PREX2: variants seen among roughly 807,000 people sequenced by gnomAD.
PREX2 encodes phosphatidylinositol-3,4,5-trisphosphate dependent Rac exchange factor 2, also known as phosphatidylinositol 3,4,5-trisphosphate-dependent Rac exchanger 2 protein.
In PREX2, 107 loss-of-function variants were observed where a neutral mutation model predicts 203.2. The ratio of observed to expected loss-of-function variants is 0.53; its 90% CI spans 0.45 to 0.62. The LOEUF is 0.62. PREX2 is among the 20% of genes least tolerant of loss of function. The probability of loss-of-function intolerance (pLI) is 0.00; values close to 1 mark genes in which losing one functional copy is unlikely to be tolerated. For missense variants in PREX2, 1,777 were observed against 1,955.9 expected (o/e 0.91, Z 1.72); for synonymous variants, 672 against 663.6 (o/e 1.01, Z -0.19).
At position 68,002,881 on chromosome 8, in the gene PREX2, G is replaced by A. The variant is rs190834083; in HGVS notation, c.142-14965G>A. Reference sequence around the variant, plus strand: ...GCAGACTGGTTAAATCAAGTTATATGGCTGTTTGAATCATGAACTTTGGAG... The same window carrying A: ...GCAGACTGGTTAAATCAAGTTATATAGCTGTTTGAATCATGAACTTTGGAG... On this transcript the variant is annotated intron_variant, in intron 1 of 39. Coordinates refer to ENST00000288368, the MANE Select transcript of PREX2 (RefSeq NM_024870.4). Among the ~76,000 whole-genome samples, 13 of 152,232 alleles carry A rather than the reference G, an allele frequency of 8.5e-5. No homozygotes were observed. The East Asian group carries it at 2.1e-3, about 25-fold the overall frequency.
chr8:67,975,272 GT>G lies in PREX2; in HGVS notation c.141+22764del, dbSNP rs75276095. Among the ~76,000 whole-genome samples the G allele has an allele frequency of 2.1e-3, 204 of 96,780 alleles. 1 individual carries two copies. Among genetic ancestry groups the G allele is most frequent in the African/African-American group, 2.5e-3 (55 of 22,192 alleles). The allele number at this position is 96,780 out of a possible 152,430, so 63.5% of individuals were successfully genotyped here. On this transcript the variant is annotated intron_variant, in intron 1 of 39. Transcript: ENST00000288368. ...GGCTGATGTTACCTGCACACGGCCT[GT>G]TTTTTTTTTTTTTTTTTTTTTTTTT...
At chr8:67,955,783 C>T (rs1019841025) in intron 1 of PREX2, among the ~76,000 whole-genome samples, 1 of 152,190 alleles carries the variant, frequency 6.6e-6, no homozygotes, top group Admixed American at 6.5e-5. Flanking sequence ...TATCCTCCCA[C>T]TCCATTTTTA....
intron 1 of PREX2, among the ~76,000 whole-genome samples, chr8:67,964,191 C>A (rs986431166): frequency 6.6e-6 from 1 of 152,198 alleles, no homozygotes; most frequent in Admixed American, 6.5e-5. Flanking sequence ...AAGTGGAGGG[C>A]AAGCACTCCC....
intron 23 of PREX2, 26 bp downstream of exon 23, chr8:68,099,869 CA>C: frequency 2.0e-6 from 3 of 1,529,786 alleles, no homozygotes; most frequent in Non-Finnish European, 2.7e-6. Context: ...ATTTTATACA[CA>C]ATTATTGTTG....
At chr8:68,127,242 A>G in intron 30 of PREX2, 136 bp from the exon 31 acceptor site, 1 of 587,328 alleles carries the variant, frequency 1.7e-6, no homozygotes, top group Non-Finnish European at 3.0e-6. Flanking sequence ...ATCCATTGAA[A>G]GTAATGGCAA....
At chr8:68,204,829 C>T (rs2129614976) in intron 37 of PREX2, among the ~76,000 whole-genome samples, 1 of 151,744 alleles carries the variant, frequency 6.6e-6, no homozygotes, top group African/African-American at 2.4e-5. Context: ...CTACAGGCGC[C>T]TGCCACCACA....
intron 30 of PREX2, among the ~76,000 whole-genome samples, chr8:68,126,284 AAC>A (rs1224781037): frequency 6.6e-6 from 1 of 152,120 alleles, no homozygotes; most frequent in African/African-American, 2.4e-5. Context: ...TTACAATAAT[AAC>A]AGTCTTCACC....
intron 1 of PREX2, among the ~76,000 whole-genome samples, chr8:67,979,335 C>A (rs749481722): frequency 6.6e-6 from 1 of 152,268 alleles, no homozygotes; most frequent in East Asian, 1.9e-4. Flanking sequence ...ACTAAAATTA[C>A]ATTTTCTTCA....
intron 6 of PREX2, among the ~76,000 whole-genome samples, chr8:68,037,444 C>T (rs1203056804): frequency 7.9e-5 from 12 of 152,128 alleles, no homozygotes. Context: ...TACTCGTGTC[C>T]AACTCAGGGG....
intron 18 of PREX2, among the ~76,000 whole-genome samples, chr8:68,086,273 T>G (rs764046059): frequency 1.3e-5 from 2 of 152,208 alleles, no homozygotes; most frequent in African/African-American, 4.8e-5. Flanking sequence ...AATGCCTGCC[T>G]AGGTTATATT....
intron 35 of PREX2, among the ~76,000 whole-genome samples, chr8:68,184,002 A>C (rs1812137944): frequency 6.6e-6 from 1 of 152,140 alleles, no homozygotes. Context: ...CATTTTTGTC[A>C]GGCCAAAAGA....
rs1307543152 is a variant in PREX2 at position 67,953,203 on chromosome 8, G to GTCT, written c.141+672_141+674dup. On this transcript the variant is annotated intron_variant, in intron 1 of 39. Coordinates refer to ENST00000288368, the MANE Select transcript of PREX2 (RefSeq NM_024870.4). The stretch of plus-strand genomic sequence containing the variant: ...CCGCCCCCCGCCCCGGCTTAAATCT[G>GTCT]TCTTCTGCTCAGTTTCTGGTCCCCT... Among the ~76,000 whole-genome samples the GTCT allele has an allele frequency of 3.9e-5, 4 of 102,500 alleles. No homozygotes were observed. In the East Asian group the frequency reaches 1.3e-3, roughly 33 times the overall value. 67.2% of individuals were successfully genotyped at this position (102,500 alleles called of 152,430 possible).
At chr8:68,211,698 A>G (rs1381805200) in intron 37 of PREX2, among the ~76,000 whole-genome samples, 1 of 152,182 alleles carries the variant, frequency 6.6e-6, no homozygotes, top group Non-Finnish European at 1.5e-5. Flanking sequence ...AGGTTCCAAG[A>G]TAGTTTGAAA....
intron 7 of PREX2, among the ~76,000 whole-genome samples, chr8:68,040,780 A>G (rs1388074012): frequency 6.6e-6 from 1 of 152,158 alleles, no homozygotes; most frequent in Non-Finnish European, 1.5e-5. Flanking sequence ...CTTCAATGCA[A>G]TTTCTCTGGA....
chr8:68,054,761 G>A (rs1405294381), intron 9 of PREX2, among the ~76,000 whole-genome samples: 2 of 152,116 alleles, frequency 1.3e-5, no homozygotes, highest in Non-Finnish European at 2.9e-5. Flanking sequence ...GAGCATGCTC[G>A]TGTTTTCACC....
intron 23 of PREX2, chr8:68,105,114 A>C: frequency 7.3e-7 from 1 of 1,365,268 alleles, no homozygotes; most frequent in African/African-American, 1.5e-5. Flanking sequence ...CATCAATTCA[A>C]GAACTGTACC....
rs139798286 is a variant in PREX2, at chr8:68,153,105, T to A, written c.4232-4217T>A. 2.4e-4 allele frequency among the ~76,000 whole-genome samples: 36 copies of A among 152,342 alleles called. 2 individuals carry two copies. The East Asian group carries it at 6.8e-3, about 29-fold the overall frequency. Reference sequence around the variant, plus strand: ...TGTATCACACGGCCATTCTCACATGTCATAATGGGATCAACAAATCTTGCT... The same window carrying A: ...TGTATCACACGGCCATTCTCACATGACATAATGGGATCAACAAATCTTGCT... On this transcript the variant is annotated intron_variant, in intron 34 of 39. Coordinates refer to ENST00000288368, the MANE Select transcript of PREX2 (RefSeq NM_024870.4).
intron 14 of PREX2, 47 bp from the exon 15 acceptor site, chr8:68,077,350 A>T: frequency 1.5e-6 from 2 of 1,361,208 alleles, no homozygotes; most frequent in Non-Finnish European, 2.1e-6. Flanking sequence ...GCTGCCACAA[A>T]GCCTTTAGTT....
chr8:68,106,562 A>G (rs953253395), intron 23 of PREX2, among the ~76,000 whole-genome samples: 3 of 152,218 alleles, frequency 2.0e-5, no homozygotes, highest in Non-Finnish European at 4.4e-5. Context: ...AATTGAAGAC[A>G]TAGTTTAATA....
Sources: gnomAD v4.1 joint callset for allele counts (sites outside exome capture counted in the v4.1 genomes callset) on GRCh38, gnomAD v4.1.1 for gene constraint, MANE v1.5 for transcripts, NCBI Gene and HGNC (gene_info 2026-07-23, HGNC 2026-07-21) for gene names.